Variants in RUNDC3B observed in about 807,000 individuals in gnomAD.
RUNDC3B encodes RUN domain-containing protein 3B.
Under a neutral mutation model 58.4 loss-of-function variants are expected in RUNDC3B, and 33 were observed. That is an observed-to-expected ratio of 0.56 (90% CI 0.43 to 0.75). The LOEUF is 0.75. Ranked by LOEUF, RUNDC3B falls within the 30% of genes least tolerant of loss-of-function variation. The pLI is 0.00. For missense variants in RUNDC3B, 501 were observed against 535.7 expected (o/e 0.94, Z 0.64); for synonymous variants, 193 against 195.2 (o/e 0.99, Z 0.10).
At chr7:87,652,268 A>C (rs1319959983) in intron 2 of RUNDC3B, among the ~76,000 whole-genome samples, 2 of 152,074 alleles carry the variant, frequency 1.3e-5, no homozygotes, top group African/African-American at 2.4e-5. Flanking sequence ...ATAGAAAACT[A>C]TCAATAGCAA....
rs551107505 is a variant in RUNDC3B, at chr7:87,730,989, A to T, written c.459-8802A>T. ...CCAAGACAGTACCTGTATAAGTCTG[A>T]AAGAGCCACAGTATTTTTGTGCATG... On this transcript the variant is annotated intron_variant, in intron 4 of 10. Transcript: ENST00000394654. Among the ~76,000 whole-genome samples the T allele has an allele frequency of 9.7e-4, 147 of 152,286 alleles. 1 individual carries two copies. Among genetic ancestry groups the T allele is most frequent in the African/African-American group, 3.3e-3 (139 of 41,560 alleles).
At chr7:87,662,080 G>T (rs1406233125) in intron 2 of RUNDC3B, among the ~76,000 whole-genome samples, 3 of 151,880 alleles carry the variant, frequency 2.0e-5, no homozygotes, top group Non-Finnish European at 4.4e-5. Flanking sequence ...CTGATCTTTT[G>T]CCCATTTTAA....
rs375512840 is a variant in RUNDC3B at position 87,741,717 on chromosome 7, T to C, written c.629+138T>C. The C allele has an allele frequency of 6.0e-5, 31 of 517,504 alleles. No homozygotes were observed. The East Asian group carries it at 7.2e-4, about 12-fold the overall frequency. 32.1% of individuals were successfully genotyped at this position (517,504 alleles called of 1,614,324 possible). A position where few individuals can be genotyped will look rare whatever the true frequency, so the allele number is the denominator to read the frequency against. ...AATCATTAAAGGGTACAAGCTTCAG[T>C]TGCATTTTTAGTATTTATTATTTAA... is the stretch of plus-strand genomic sequence containing the variant. On this transcript the variant is annotated intron_variant, in intron 6 of 10. Coordinates refer to ENST00000394654, the MANE Select transcript of RUNDC3B (RefSeq NM_001134405.2).
chr7:87,670,783 C>A (rs1334359606), intron 2 of RUNDC3B, among the ~76,000 whole-genome samples: 1 of 152,154 alleles, frequency 6.6e-6, no homozygotes, highest in Non-Finnish European at 1.5e-5. Flanking sequence ...TGTGATCCAG[C>A]AGGTGGCTTA....
chr7:87,784,436 A>G (rs1364884400), intron 8 of RUNDC3B, among the ~76,000 whole-genome samples: 1 of 151,508 alleles, frequency 6.6e-6, no homozygotes, highest in Non-Finnish European at 1.5e-5. Flanking sequence ...ACTGTTGTGT[A>G]TGTTGTGTAT....
In RUNDC3B at chr7:87,741,599, A is replaced by C. The variant is rs1206195293; in HGVS notation, c.629+20A>C. The C allele has an allele frequency of 2.2e-6, 3 of 1,373,178 alleles. No homozygotes were observed. The highest frequency in any genetic ancestry group is 2.0e-6 in the Non-Finnish European group (2 of 978,864). The allele number at this position is 1,373,178 out of a possible 1,614,324, so 85.1% of individuals were successfully genotyped here. A position where few individuals can be genotyped will look rare whatever the true frequency, so the allele number is the denominator to read the frequency against. ...CCAAAGGTATGTGACATTTTGAGAT[A>C]TGTTTTTTAAAATCTTATTTAAAAT... On this transcript the variant is annotated intron_variant, in intron 6 of 10. Transcript: ENST00000394654.
chr7:87,810,970 C>T (rs1262979939), intron 9 of RUNDC3B, among the ~76,000 whole-genome samples: 5 of 151,986 alleles, frequency 3.3e-5, no homozygotes, highest in South Asian at 2.1e-4. Flanking sequence ...CTGTAAAAAC[C>T]GAACAATAAA....
chr7:87,780,018 T>C (rs1834839284), intron 8 of RUNDC3B, among the ~76,000 whole-genome samples: 1 of 152,196 alleles, frequency 6.6e-6, no homozygotes, highest in South Asian at 2.1e-4. Context: ...CACATTTTCT[T>C]TATCCAATCC....
intron 6 of RUNDC3B, among the ~76,000 whole-genome samples, chr7:87,764,211 A>T (rs1450489922): frequency 1.3e-5 from 2 of 151,854 alleles, no homozygotes. Context: ...GAAGGACTTC[A>T]TAGTATCTGT....
At chr7:87,630,729 C>A (rs1821132628) in intron 1 of RUNDC3B, among the ~76,000 whole-genome samples, 3 of 150,462 alleles carry the variant, frequency 2.0e-5, no homozygotes, top group South Asian at 4.2e-4. Flanking sequence ...TAGCATCTAA[C>A]ACTCAAAAAA....
intron 1 of RUNDC3B, among the ~76,000 whole-genome samples, chr7:87,631,452 G>A (rs550849016): frequency 6.6e-6 from 1 of 152,242 alleles, no homozygotes; most frequent in Admixed American, 6.5e-5. Context: ...GAGCAGTGGC[G>A]CGATCTCGGC....
chr7:87,676,965 A>G (rs1249133151), intron 2 of RUNDC3B, among the ~76,000 whole-genome samples: 1 of 152,124 alleles, frequency 6.6e-6, no homozygotes, highest in Non-Finnish European at 1.5e-5. Flanking sequence ...ATAAAAAACA[A>G]TCAAAAGATA....
At chr7:87,810,809 GT>G (rs570863012) in intron 9 of RUNDC3B, among the ~76,000 whole-genome samples, 108 of 152,134 alleles carry the variant, frequency 7.1e-4, no homozygotes, top group South Asian at 1.7e-3. Flanking sequence ...TGATATACAT[GT>G]TTGAAATATA....
intron 3 of RUNDC3B, among the ~76,000 whole-genome samples, chr7:87,701,612 A>T (rs1189576088): frequency 6.6e-6 from 1 of 152,182 alleles, no homozygotes; most frequent in Non-Finnish European, 1.5e-5. Flanking sequence ...TAGTATGAAA[A>T]AGTCATTAAT....
intron 1 of RUNDC3B, among the ~76,000 whole-genome samples, chr7:87,647,020 A>C (rs138304391): frequency 6.6e-6 from 1 of 152,190 alleles, no homozygotes; most frequent in Admixed American, 6.5e-5. Flanking sequence ...ACATTAATCT[A>C]TCTCAGCATT....
intron 4 of RUNDC3B, among the ~76,000 whole-genome samples, chr7:87,738,134 T>C (rs940068026): frequency 6.6e-6 from 1 of 152,020 alleles, no homozygotes; most frequent in African/African-American, 2.4e-5. Flanking sequence ...TTATTGGCAG[T>C]ATCAAAAAAA....
chr7:87,650,584 A>T (rs1470918410), intron 1 of RUNDC3B, among the ~76,000 whole-genome samples: 1 of 152,172 alleles, frequency 6.6e-6, no homozygotes, highest in Non-Finnish European at 1.5e-5. Context: ...TCAACATATG[A>T]ATTTTGGGAG....
At chr7:87,767,549 T>A (rs1293859143) in intron 6 of RUNDC3B, among the ~76,000 whole-genome samples, 1 of 152,220 alleles carries the variant, frequency 6.6e-6, no homozygotes, top group African/African-American at 2.4e-5. Context: ...TCTGCAAGGC[T>A]GAGAGTGTGT....
intron 8 of RUNDC3B, among the ~76,000 whole-genome samples, chr7:87,782,894 A>T (rs1375145890): frequency 2.0e-5 from 3 of 152,170 alleles, no homozygotes; most frequent in Non-Finnish European, 4.4e-5. Context: ...GCATGTGGTC[A>T]AACTTAGAAT....
Sources: allele counts gnomAD v4.1 joint callset (sites outside exome capture counted in the v4.1 genomes callset), GRCh38; gene constraint gnomAD v4.1.1; transcripts MANE v1.5; gene names NCBI Gene and HGNC (gene_info 2026-07-23, HGNC 2026-07-21).